BDP1: variants seen among roughly 807,000 people sequenced by gnomAD.
BDP1 encodes BDP1 general transcription factor IIIB subunit.
BDP1 carries 169 observed loss-of-function variants against 266.6 expected under a neutral mutation model. The observed-to-expected ratio is 0.63, with a 90% CI of 0.56 to 0.72. BDP1 has a LOEUF of 0.72. Among genes scored for constraint, BDP1 ranks in the 30% least tolerant of loss-of-function variants. The pLI, the probability that BDP1 is intolerant of heterozygous loss-of-function variation, is 0.00. For missense variants in BDP1, 3,015 were observed against 3,053.8 expected (o/e 0.99, Z 0.30); for synonymous variants, 1,090 against 1,022.4 (o/e 1.07, Z -1.26).
chr5:71,536,223 C>A (rs746778469), intron 26 of BDP1, among the ~76,000 whole-genome samples: 1 of 152,008 alleles, frequency 6.6e-6, no homozygotes, highest in Non-Finnish European at 1.5e-5. Flanking sequence ...CACATTTATA[C>A]CGAAAATCTA....
chr5:71,516,015 T>C (rs772409952), intron 20 of BDP1, 46 bp from the exon 21 acceptor site: 1 of 1,416,166 alleles, frequency 7.1e-7, no homozygotes. Context: ...AGTTTTCAGC[T>C]TTTTACAGTC....
At chr5:71,555,865 A>C (rs1437072817) in intron 35 of BDP1, among the ~76,000 whole-genome samples, 1 of 152,180 alleles carries the variant, frequency 6.6e-6, no homozygotes, top group East Asian at 1.9e-4. Flanking sequence ...ATTAATATGA[A>C]TTTTAGAATT....
At chr5:71,547,933 C>T (rs537946681) in intron 32 of BDP1, among the ~76,000 whole-genome samples, 1 of 151,348 alleles carries the variant, frequency 6.6e-6, no homozygotes, top group South Asian at 2.1e-4. Flanking sequence ...TCCAGCCTGG[C>T]GACAGAGCGA....
chr5:71,478,198 G>A (rs2059194), intron 7 of BDP1, among the ~76,000 whole-genome samples: 67,535 of 151,844 alleles, frequency 0.44, 15,393 homozygotes, highest in South Asian at 0.55. Context: ...TGCGATGGCC[G>A]AAATCATGCC....
At chr5:71,496,314 A>G (rs1763890092) in intron 12 of BDP1, among the ~76,000 whole-genome samples, 2 of 152,126 alleles carry the variant, frequency 1.3e-5, no homozygotes, top group Admixed American at 1.3e-4. Flanking sequence ...CACAATGGAA[A>G]TCAAACTTAA....
At chr5:71,481,422 C>T (rs1301475185) in intron 7 of BDP1, among the ~76,000 whole-genome samples, 1 of 136,528 alleles carries the variant, frequency 7.3e-6, no homozygotes, top group East Asian at 2.2e-4. Context: ...AAAAGCCAGG[C>T]TTGGTGGCAC....
chr5:71,467,348 T>C lies in BDP1; in HGVS notation c.786-6T>C. The C allele has an allele frequency of 6.3e-7, 1 of 1,589,990 alleles. No homozygotes were observed. Among genetic ancestry groups the C allele is most frequent in the South Asian group, 1.1e-5 (1 of 87,730 alleles). On this transcript the variant is annotated splice_region_variant and splice_polypyrimidine_tract_variant and intron_variant, in intron 5 of 38. Transcript: ENST00000358731. ...ATACATCTATTTAAAAATGTGTTTATTTCAGTTTAACTGTAGAAGTTTTAA... is the reference window on the plus strand; with the variant it reads ...ATACATCTATTTAAAAATGTGTTTACTTCAGTTTAACTGTAGAAGTTTTAA...
At chr5:71,541,350 A>T (rs1766949691) in intron 28 of BDP1, 104 bp from the exon 29 acceptor site, 2 of 554,070 alleles carry the variant, frequency 3.6e-6, no homozygotes, top group Admixed American at 3.5e-5. Context: ...AAATGAAGCA[A>T]ACTTTAATAA....
At chr5:71,502,897 T>G in intron 15 of BDP1, 106 bp downstream of exon 15, 1 of 833,544 alleles carries the variant, frequency 1.2e-6, no homozygotes, top group Non-Finnish European at 1.8e-6. Flanking sequence ...ATACATTTAT[T>G]TATTTATTTA....
chr5:71,524,829 G>A (rs1485478871), intron 25 of BDP1, among the ~76,000 whole-genome samples: 2 of 150,210 alleles, frequency 1.3e-5, no homozygotes, highest in African/African-American at 4.9e-5. Context: ...AGGGAGTGGC[G>A]ATGACTCTTA....
rs1398852896 is a variant in BDP1, at chr5:71,545,237, A to C, written c.6744+18A>C. 6.3e-7 allele frequency: 1 copy of C among 1,594,800 alleles called. No homozygotes were observed. The highest frequency in any genetic ancestry group is 8.5e-7 in the Non-Finnish European group (1 of 1,169,994). On this transcript the variant is annotated intron_variant, in intron 32 of 38. Transcript: ENST00000358731. ...TGCCAGAGGTAAAAGAATGTACAGT[A>C]TAATAAGGGATAGCAAGGTGTTTTC...
At position 71,517,437 on chromosome 5, in the gene BDP1, C is replaced by T. The variant is rs558773155; in HGVS notation, c.4976C>T (p.Thr1659Ile). Reference sequence around the variant, plus strand: ...GTAGAAAACCTTCATGTTAACAAAACAAATGAAACAATCAGGTGAGTTTGC... The same window carrying T: ...GTAGAAAACCTTCATGTTAACAAAATAAATGAAACAATCAGGTGAGTTTGC... ...VLVENLHVNK[T>I]NETIRHENKP... Residue 1659 changes from threonine (T) to isoleucine (I), a missense_variant, in exon 22 of 39, where the codon ACA becomes ATA. Coordinates refer to ENST00000358731, the MANE Select transcript of BDP1 (RefSeq NM_018429.3). The T allele has an allele frequency of 8.9e-6, 14 of 1,580,654 alleles. No homozygotes were observed. The South Asian group carries it at 1.2e-4, about 14-fold the overall frequency.
intron 25 of BDP1, among the ~76,000 whole-genome samples, chr5:71,525,430 C>T (rs1395922314): frequency 7.4e-6 from 1 of 134,994 alleles, no homozygotes; most frequent in Non-Finnish European, 1.6e-5. Flanking sequence ...GGCGGCTGGC[C>T]GGGCGGGGGG....
Position 71,541,566 on chromosome 5 carries a change from T to C in BDP1, c.6135T>C (p.Pro2045=), listed in dbSNP as rs1236821528. 1.2e-6 allele frequency: 2 copies of C among 1,612,126 alleles called. No homozygotes were observed. Among genetic ancestry groups the C allele is most frequent in the African/African-American group, 1.3e-5 (1 of 74,878 alleles). Residue 2045 remains proline, a synonymous_variant, in exon 29 of 39, where the codon CCT becomes CCC. Coordinates refer to ENST00000358731, the MANE Select transcript of BDP1 (RefSeq NM_018429.3). ...IVHECQELSS[P]VITTSPASFE... is the part of the protein sequence containing the mutation. Reference sequence around the variant, plus strand: ...ATGAATGTCAGGAACTTTCTTCACCTGTCATTACTACATCTCCTGCATCAT... The same window carrying C: ...ATGAATGTCAGGAACTTTCTTCACCCGTCATTACTACATCTCCTGCATCAT...
At chr5:71,559,411 C>T (rs1424361882) in intron 36 of BDP1, among the ~76,000 whole-genome samples, 1 of 152,200 alleles carries the variant, frequency 6.6e-6, no homozygotes, top group Non-Finnish European at 1.5e-5. Context: ...ATTCTCCCTT[C>T]ACAGAGCTAA....
At chr5:71,531,900 T>C (rs1041482909) in intron 25 of BDP1, among the ~76,000 whole-genome samples, 5 of 152,196 alleles carry the variant, frequency 3.3e-5, no homozygotes, top group Non-Finnish European at 7.3e-5. Context: ...TTCTGTTAGA[T>C]TGTGAATTCA....
At chr5:71,529,807 C>T (rs1007025566) in intron 25 of BDP1, among the ~76,000 whole-genome samples, 6 of 152,174 alleles carry the variant, frequency 3.9e-5, no homozygotes, top group African/African-American at 1.2e-4. Flanking sequence ...TACAAAGTAT[C>T]GCATACTGTG....
intron 28 of BDP1, among the ~76,000 whole-genome samples, chr5:71,540,271 TTTATTTAC>T (rs1469723577): frequency 8.2e-6 from 1 of 121,330 alleles, no homozygotes; most frequent in African/African-American, 2.8e-5. Context: ...TACCATTCAT[TTTATTTAC>T]TTATTTATTT....
At chr5:71,506,821 A>ACACACG in intron 16 of BDP1, among the ~76,000 whole-genome samples, 1 of 74,872 alleles carries the variant, frequency 1.3e-5, no homozygotes, top group Middle Eastern at 9.6e-3. Context: ...ACACACACAC[A>ACACACG]CACCCATATT....
Sources: allele counts gnomAD v4.1 joint callset (sites outside exome capture counted in the v4.1 genomes callset), GRCh38; gene constraint gnomAD v4.1.1; transcripts MANE v1.5; gene names NCBI Gene and HGNC (gene_info 2026-07-23, HGNC 2026-07-21).